APBB2: variants seen among roughly 807,000 people sequenced by gnomAD.
APBB2 encodes amyloid beta precursor protein binding family B member 2, also known as Fe65-like 1.
APBB2 carries 38 observed loss-of-function variants against 82.5 expected under a neutral mutation model. The ratio of observed to expected loss-of-function variants is 0.46; its 90% confidence interval spans 0.36 to 0.60. The LOEUF (loss-of-function observed/expected upper bound fraction) is 0.60. APBB2 is among the 20% of genes least tolerant of loss of function. The pLI, the probability that APBB2 is intolerant of heterozygous loss-of-function variation, is 0.00. For missense variants in APBB2, 772 were observed against 972.3 expected (o/e 0.79, Z 2.74); for synonymous variants, 341 against 368.2 (o/e 0.93, Z 0.85).
chr4:41,204,832 A>G (rs565141246), intron 1 of APBB2, among the ~76,000 whole-genome samples: 1 of 152,292 alleles, frequency 6.6e-6, no homozygotes, highest in South Asian at 2.1e-4. Context: ...GGAATTCGAA[A>G]GATATAACAA....
At chr4:41,189,192 T>A (rs1042397676) in intron 1 of APBB2, among the ~76,000 whole-genome samples, 3 of 152,158 alleles carry the variant, frequency 2.0e-5, no homozygotes, top group African/African-American at 7.2e-5. Context: ...ATATATACAG[T>A]GGGAAAAACA....
chr4:40,917,289 A>G (rs981509798), intron 10 of APBB2, among the ~76,000 whole-genome samples: 5 of 152,178 alleles, frequency 3.3e-5, no homozygotes, highest in African/African-American at 4.8e-5. Flanking sequence ...TTTAGAGCTG[A>G]ACTCCAAGAT....
intron 7 of APBB2, among the ~76,000 whole-genome samples, chr4:40,936,581 A>G (rs1029521512): frequency 6.6e-6 from 1 of 152,206 alleles, no homozygotes; most frequent in Non-Finnish European, 1.5e-5. Flanking sequence ...CAAACTCTGC[A>G]AGCCTCTCTG....
chr4:41,148,960 A>G (rs1053155438), intron 1 of APBB2, among the ~76,000 whole-genome samples: 16 of 152,348 alleles, frequency 1.1e-4, no homozygotes, highest in African/African-American at 3.8e-4. Context: ...ACAATGATTT[A>G]TTTTAACCAA....
At chr4:41,008,398 T>C (rs1807385572) in intron 6 of APBB2, among the ~76,000 whole-genome samples, 1 of 152,208 alleles carries the variant, frequency 6.6e-6, no homozygotes, top group Non-Finnish European at 1.5e-5. Context: ...AGTGTCTTAT[T>C]CAACACATAA....
chr4:41,076,726 G>A (rs1735749841), intron 3 of APBB2, among the ~76,000 whole-genome samples: 1 of 152,112 alleles, frequency 6.6e-6, no homozygotes, highest in South Asian at 2.1e-4. Context: ...TGTGAAATAG[G>A]GTCCAGCATG....
chr4:41,125,687 CAA>C (rs751031949), intron 2 of APBB2, among the ~76,000 whole-genome samples: 10 of 152,174 alleles, frequency 6.6e-5, no homozygotes, highest in Non-Finnish European at 8.8e-5. Context: ...CCAAGTAAAT[CAA>C]ATTCAAATAA....
intron 2 of APBB2, among the ~76,000 whole-genome samples, chr4:41,141,198 T>C (rs182941493): frequency 6.6e-6 from 1 of 151,168 alleles, no homozygotes; most frequent in Non-Finnish European, 1.5e-5. Context: ...TTGGGATGTT[T>C]TGGATGTAAG....
chr4:41,094,252 A>T (rs1742751082), intron 3 of APBB2, among the ~76,000 whole-genome samples: 1 of 152,220 alleles, frequency 6.6e-6, no homozygotes. Context: ...CATTTATGAC[A>T]TTGGAGTTTT....
At chr4:40,883,536 G>A (rs969911989) in intron 12 of APBB2, among the ~76,000 whole-genome samples, 8 of 151,860 alleles carry the variant, frequency 5.3e-5, no homozygotes, top group South Asian at 2.1e-4. Flanking sequence ...GCAGTGAGCC[G>A]AGATCATGCT....
intron 3 of APBB2, among the ~76,000 whole-genome samples, chr4:41,091,107 C>G (rs1741531997): frequency 6.6e-6 from 1 of 152,316 alleles, no homozygotes; most frequent in Middle Eastern, 3.4e-3. Flanking sequence ...AACTCATCCC[C>G]CATCTATGAG....
intron 12 of APBB2, among the ~76,000 whole-genome samples, chr4:40,861,896 T>C (rs1465942982): frequency 2.0e-5 from 3 of 152,198 alleles, no homozygotes; most frequent in Admixed American, 2.0e-4. Flanking sequence ...AATAAAAATA[T>C]GGAAACTGAT....
intron 2 of APBB2, among the ~76,000 whole-genome samples, chr4:41,141,728 G>A (rs1241975336): frequency 6.6e-6 from 1 of 152,236 alleles, no homozygotes; most frequent in East Asian, 1.9e-4. Flanking sequence ...GCAAGGAGGA[G>A]CTAGTCATGT....
chr4:41,079,748 C>T (rs987284533), intron 3 of APBB2, among the ~76,000 whole-genome samples: 1 of 152,088 alleles, frequency 6.6e-6, no homozygotes, highest in Non-Finnish European at 1.5e-5. Flanking sequence ...GGGGTTTCAC[C>T]GTGTTGTCCA....
chr4:41,051,150 T>C (rs953626418), intron 4 of APBB2, among the ~76,000 whole-genome samples: 5 of 152,114 alleles, frequency 3.3e-5, no homozygotes, highest in Admixed American at 3.3e-4. Flanking sequence ...GTCTCTAAAA[T>C]GCAGACACAC....
At position 40,957,392 on chromosome 4, in the gene APBB2, TTTAGA is replaced by T. The variant is rs1791922844; in HGVS notation, c.836-12324_836-12320del. Among the ~76,000 whole-genome samples, 4 of 152,116 alleles carry T rather than the reference TTTAGA, an allele frequency of 2.6e-5. No individual in the cohort carries two copies. In the South Asian group the frequency reaches 8.3e-4, roughly 31 times the overall value. On this transcript the variant is annotated intron_variant, in intron 6 of 17. Coordinates refer to ENST00000508593, the MANE Select transcript of APBB2 (RefSeq NM_004307.2). ...ATAACACTGGCCACCCACATGTCAA[TTTAGA>T]AATGATGTATCATGTGAGAACACAC...
At chr4:41,148,465 T>C (rs1178237514) in intron 1 of APBB2, among the ~76,000 whole-genome samples, 1 of 152,192 alleles carries the variant, frequency 6.6e-6, no homozygotes, top group Non-Finnish European at 1.5e-5. Flanking sequence ...GAAAGCATTA[T>C]TGAAACTATA....
At chr4:40,912,383 C>T (rs1778797057) in intron 10 of APBB2, among the ~76,000 whole-genome samples, 1 of 152,174 alleles carries the variant, frequency 6.6e-6, no homozygotes, top group African/African-American at 2.4e-5. Context: ...TCGAGACCAG[C>T]CTGGCCAACA....
intron 1 of APBB2, among the ~76,000 whole-genome samples, chr4:41,145,245 A>G (rs555135984): frequency 1.3e-5 from 2 of 152,234 alleles, no homozygotes; most frequent in East Asian, 3.9e-4. Flanking sequence ...AAAACACAAG[A>G]CACAATGGTG....
Sources: allele counts gnomAD v4.1 joint callset (sites outside exome capture counted in the v4.1 genomes callset), GRCh38; gene constraint gnomAD v4.1.1; transcripts MANE v1.5; gene names NCBI Gene and HGNC (gene_info 2026-07-23, HGNC 2026-07-21).